Variants in PTPRK observed in about 807,000 individuals in gnomAD.
PTPRK encodes protein tyrosine phosphatase receptor type K.
In PTPRK, 75 loss-of-function variants were observed where a neutral mutation model predicts 178.0. That is an observed-to-expected ratio of 0.42 (90% CI 0.35 to 0.51). PTPRK has a LOEUF of 0.51. Ranked by LOEUF, PTPRK falls within the 20% of genes least tolerant of loss-of-function variation. The pLI, the probability that PTPRK is intolerant of heterozygous loss-of-function variation, is 0.02. For missense variants in PTPRK, 1,441 were observed against 1,797.8 expected, an observed-to-expected ratio of 0.80 and a Z score of 3.59; for synonymous variants, 637 against 620.6, an observed-to-expected ratio of 1.03 and a Z score of -0.39.
intron 15 of PTPRK, chr6:128,001,216 C>T: frequency 6.5e-7 from 1 of 1,532,416 alleles, no homozygotes; most frequent in Non-Finnish European, 8.8e-7. Context: ...AACTTAAACC[C>T]AATGAAGCAG....
intron 6 of PTPRK, among the ~76,000 whole-genome samples, chr6:128,205,111 A>G (rs1806688344): frequency 6.6e-6 from 1 of 152,212 alleles, no homozygotes; most frequent in African/African-American, 2.4e-5. Flanking sequence ...TGTCCTTTGC[A>G]GGGACATGGA....
rs146180405 is a variant in PTPRK, at chr6:128,380,817, T to C, written c.223+16749A>G. Among the ~76,000 whole-genome samples, 20 of 152,274 alleles carry C rather than the reference T, an allele frequency of 1.3e-4. No individual in the cohort carries two copies. The East Asian group carries it at 3.7e-3, about 28-fold the overall frequency. ...TTTCTCATTTTAGAACAAGAATTCG[T>C]AGCTAACAATCTGGGCACAGCCCAA... On this transcript the variant is annotated intron_variant, in intron 2 of 29. Transcript: ENST00000368226.
intron 6 of PTPRK, among the ~76,000 whole-genome samples, chr6:128,207,582 AAAAAG>A (rs1807201969): frequency 6.6e-6 from 1 of 152,196 alleles, no homozygotes; most frequent in Non-Finnish European, 1.5e-5. Flanking sequence ...AGATATACAC[AAAAAG>A]AAAAGATAGC....
intron 3 of PTPRK, chr6:128,321,605 T>C (rs773958099): frequency 1.8e-6 from 1 of 561,226 alleles, no homozygotes; most frequent in East Asian, 3.0e-5. Flanking sequence ...ATCACATTTA[T>C]TTCCCAAATG....
At chr6:128,200,899 G>A (rs181968078) in intron 6 of PTPRK, among the ~76,000 whole-genome samples, 8 of 98,644 alleles carry the variant, frequency 8.1e-5, no homozygotes, top group African/African-American at 3.4e-4. Context: ...GAAGGAGGGA[G>A]GGAGGGAGGG....
intron 2 of PTPRK, among the ~76,000 whole-genome samples, chr6:128,377,086 A>G (rs1011721342): frequency 2.0e-5 from 3 of 152,188 alleles, no homozygotes; most frequent in Non-Finnish European, 4.4e-5. Context: ...CCTGTTACCC[A>G]GTTCCAAATC....
At chr6:128,446,948 CAT>C (rs1847109719) in intron 1 of PTPRK, among the ~76,000 whole-genome samples, 1 of 152,098 alleles carries the variant, frequency 6.6e-6, no homozygotes, top group South Asian at 2.1e-4. Flanking sequence ...TATTCTACTG[CAT>C]AGTTACTTAA....
chr6:128,214,056 G>T (rs1315447038), intron 6 of PTPRK, among the ~76,000 whole-genome samples: 2 of 152,092 alleles, frequency 1.3e-5, no homozygotes, highest in Non-Finnish European at 2.9e-5. Flanking sequence ...AATTTTATTT[G>T]TTGATTTTGA....
rs1334744391 is a variant in PTPRK at position 128,204,834 on chromosome 6, C to T, written c.868+14088G>A. Among the ~76,000 whole-genome samples, 4 of 152,242 alleles carry T rather than the reference C, an allele frequency of 2.6e-5. No homozygotes were observed. In the East Asian group the frequency reaches 7.7e-4, roughly 29 times the overall value. On this transcript the variant is annotated intron_variant, in intron 6 of 29. Transcript: ENST00000368226. ...ACTGTTGGAATGTAAATTAGCTCAA[C>T]CCTTGCGGAAGACAGTGTGGCAATT...
At chr6:128,277,228 A>G (rs945725323) in intron 3 of PTPRK, among the ~76,000 whole-genome samples, 4 of 152,226 alleles carry the variant, frequency 2.6e-5, no homozygotes, top group African/African-American at 9.6e-5. Flanking sequence ...TAAGCTTATA[A>G]AAACTACCTA....
chr6:128,393,750 A>G (rs1304955221), intron 2 of PTPRK, among the ~76,000 whole-genome samples: 2 of 152,176 alleles, frequency 1.3e-5, no homozygotes, highest in Non-Finnish European at 2.9e-5. Flanking sequence ...GAGGATATCT[A>G]TTTTATATCT....
intron 5 of PTPRK, among the ~76,000 whole-genome samples, chr6:128,235,155 A>T (rs1318941278): frequency 2.0e-5 from 3 of 152,186 alleles, no homozygotes; most frequent in Non-Finnish European, 4.4e-5. Flanking sequence ...TGTATTGATA[A>T]TAATTTGATA....
At chr6:128,049,247 G>T (rs879931322) in intron 13 of PTPRK, among the ~76,000 whole-genome samples, 6 of 152,030 alleles carry the variant, frequency 3.9e-5, no homozygotes, top group Admixed American at 2.6e-4. Context: ...AAGTAACAAG[G>T]TTTGTTCTAA....
chr6:128,352,253 CAAAAAAA>C (rs10665459), intron 2 of PTPRK, among the ~76,000 whole-genome samples: 1 of 94,982 alleles, frequency 1.1e-5, no homozygotes, highest in Non-Finnish European at 2.0e-5. Context: ...GACTTCATCT[CAAAAAAA>C]AAAAAAAAAA....
At chr6:128,212,797 C>A (rs146089374) in intron 6 of PTPRK, among the ~76,000 whole-genome samples, 2,126 of 152,006 alleles carry the variant, frequency 0.014, 19 homozygotes, top group African/African-American at 0.03. Context: ...AGGGAAAGAA[C>A]TCTCATCGCA....
intron 2 of PTPRK, among the ~76,000 whole-genome samples, chr6:128,373,090 G>A (rs548762456): frequency 7.2e-5 from 11 of 151,962 alleles, no homozygotes; most frequent in Non-Finnish European, 1.5e-4. Flanking sequence ...TGTGGCAAAT[G>A]TAAGGGCCTA....
Position 128,231,496 on chromosome 6 carries a change from C to T in PTPRK, c.693+8539G>A, listed in dbSNP as rs142030582. Among the ~76,000 whole-genome samples, 6 of 152,342 alleles carry T rather than the reference C, an allele frequency of 3.9e-5. No homozygotes were observed. In the East Asian group the frequency reaches 1.2e-3, roughly 29 times the overall value. ...AGGGACATGGTTTGCACTCCTCACA[C>T]TCCTGTCTTGTGAGCCAGAAGTTAC... On this transcript the variant is annotated intron_variant, in intron 5 of 29. Coordinates refer to ENST00000368226, the MANE Select transcript of PTPRK (RefSeq NM_002844.4).
At chr6:128,344,131 A>T (rs1430768477) in intron 2 of PTPRK, among the ~76,000 whole-genome samples, 1 of 152,182 alleles carries the variant, frequency 6.6e-6, no homozygotes, top group East Asian at 1.9e-4. Flanking sequence ...CTAGTATCTC[A>T]GCAATACTGC....
At chr6:128,027,108 T>G (rs748353473) in intron 13 of PTPRK, among the ~76,000 whole-genome samples, 25 of 152,184 alleles carry the variant, frequency 1.6e-4, no homozygotes, top group Non-Finnish European at 2.6e-4. Flanking sequence ...TTTGGCCCCA[T>G]AATGTACATA....
Sources: gnomAD v4.1 joint callset for allele counts (sites outside exome capture counted in the v4.1 genomes callset) on GRCh38, gnomAD v4.1.1 for gene constraint, MANE v1.5 for transcripts, NCBI Gene and HGNC (gene_info 2026-07-23, HGNC 2026-07-21) for gene names.